The following SNUPN variants were observed in gnomAD, a reference collection of about 807,000 sequenced individuals.
The protein encoded by SNUPN is snurportin 1.
A neutral mutation model predicts 39.2 loss-of-function variants in SNUPN; 31 were observed. The ratio of observed to expected loss-of-function variants is 0.79; its 90% CI spans 0.59 to 1.07. The LOEUF (loss-of-function observed/expected upper bound fraction) is 1.07, where lower values mean the gene tolerates loss of function less well. Ranked by LOEUF, SNUPN falls within the 50% of genes least tolerant of loss-of-function variation. The pLI is 0.00. For synonymous variants in SNUPN, 132 were observed against 159.0 expected, an observed-to-expected ratio of 0.83 and a Z score of 1.28; for missense variants, 382 against 434.2, an observed-to-expected ratio of 0.88 and a Z score of 1.07.
chr15:75,619,818 G>A (rs532591622), intron 2 of SNUPN, among the ~76,000 whole-genome samples: 3 of 151,834 alleles, frequency 2.0e-5, no homozygotes, highest in Non-Finnish European at 4.4e-5. Flanking sequence ...GCGCGATTTC[G>A]GCTCACTGCA....
At chr15:75,609,399 C>G (rs2141368140) in intron 5 of SNUPN, among the ~76,000 whole-genome samples, 159 bp downstream of exon 5, 1 of 152,062 alleles carries the variant, frequency 6.6e-6, no homozygotes, top group South Asian at 2.1e-4. Context: ...CCTTGTTAGC[C>G]AGGATGGTCT....
intron 6 of SNUPN, among the ~76,000 whole-genome samples, chr15:75,606,638 TG>T (rs986804684): frequency 1.3e-5 from 2 of 152,054 alleles, no homozygotes; most frequent in African/African-American, 2.4e-5. Context: ...AGTAAAATGT[TG>T]GGGGTATGGT....
At chr15:75,602,554 C>T (rs1192724335) in intron 7 of SNUPN, among the ~76,000 whole-genome samples, 1 of 150,714 alleles carries the variant, frequency 6.6e-6, no homozygotes, top group African/African-American at 2.4e-5. Context: ...ATTACTGATG[C>T]ACAGGCCCTA....
At chr15:75,601,866 T>C (rs968910728) in intron 7 of SNUPN, among the ~76,000 whole-genome samples, 3 of 147,148 alleles carry the variant, frequency 2.0e-5, no homozygotes, top group Non-Finnish European at 4.6e-5. Flanking sequence ...TAGGTCGTGG[T>C]TCCCAATCTT....
At chr15:75,607,397 G>T (rs1567552170) in intron 5 of SNUPN, 84 bp from the exon 6 acceptor site, 1 of 866,834 alleles carries the variant, frequency 1.2e-6, no homozygotes, top group South Asian at 1.3e-5. Flanking sequence ...CCCCATCCCA[G>T]AGGCTTGAGT....
intron 2 of SNUPN, among the ~76,000 whole-genome samples, chr15:75,618,036 A>T (rs991169121): frequency 8.5e-5 from 13 of 152,160 alleles, no homozygotes; most frequent in Admixed American, 5.9e-4. Flanking sequence ...CCCCCTCAAA[A>T]TCCTAAATAG....
chr15:75,610,188 A>G (rs982982141), intron 3 of SNUPN, among the ~76,000 whole-genome samples, 194 bp from the exon 4 acceptor site: 18 of 152,024 alleles, frequency 1.2e-4, no homozygotes, highest in Non-Finnish European at 2.9e-5. Flanking sequence ...ACCTGAGGTC[A>G]GGAGTTCAAG....
chr15:75,598,504 T>A lies in SNUPN; in HGVS notation c.937A>T (p.Lys313Ter), dbSNP rs747208863. 6.2e-7 allele frequency: 1 copy of A among 1,614,220 alleles called. No homozygotes were observed. Among genetic ancestry groups the A allele is most frequent in the Non-Finnish European group, 8.5e-7 (1 of 1,180,040 alleles). Residue 313 changes from lysine (K) to a stop codon, truncating the protein, a stop_gained, in exon 9 of 9, where the codon AAG (lysine) becomes TAG (stop). Coordinates refer to ENST00000308588, the MANE Select transcript of SNUPN (RefSeq NM_005701.4). LOFTEE classifies it low-confidence loss of function (END_TRUNC). ...TTCATGCCTTCCTTCTGGCTCTTCT[T>A]GTGCTCCATAATCTGCTGGAGCTGG... Reference protein sequence around the residue: ...GHQLQQIMEHKKSQKEGMKEK... With the variant: ...GHQLQQIMEH
At chr15:75,621,126 G>A (rs2141379138) in intron 1 of SNUPN, 70 bp from the exon 2 acceptor site, 1 of 1,442,574 alleles carries the variant, frequency 6.9e-7, no homozygotes. Context: ...CAGTTATGCA[G>A]TTATGATATG....
chr15:75,613,697 G>C (rs1892858646), intron 3 of SNUPN, among the ~76,000 whole-genome samples: 1 of 150,768 alleles, frequency 6.6e-6, no homozygotes. Context: ...TTAGTCACTA[G>C]GGAAATAGGG....
chr15:75,605,616 T>A (rs1322525118), intron 6 of SNUPN, among the ~76,000 whole-genome samples: 1 of 152,184 alleles, frequency 6.6e-6, no homozygotes, highest in African/African-American at 2.4e-5. Context: ...TTCATTCTTT[T>A]AAATTATTTT....
At chr15:75,626,326 A>G (rs763020577), upstream of SNUPN, 12 of 152,092 alleles carry the variant, frequency 7.9e-5, no homozygotes, top group Non-Finnish European at 7.4e-5. Flanking sequence ...CTTGATTCCT[A>G]TTTAAGTAGC....
At chr15:75,604,833 C>T (rs920991945) in intron 7 of SNUPN, among the ~76,000 whole-genome samples, 1 of 152,156 alleles carries the variant, frequency 6.6e-6, no homozygotes, top group African/African-American at 2.4e-5. Flanking sequence ...GTGCACCCAC[C>T]ACCCAAGCAG....
rs540660275 is a variant in SNUPN at position 75,617,177 on chromosome 15, A to AC, written c.303+230dup. On this transcript the variant is annotated intron_variant, in intron 3 of 8. Coordinates refer to ENST00000308588, the MANE Select transcript of SNUPN (RefSeq NM_005701.4). ...AACAGCACAGGCTAATAGTTCCCAAACCCCACTACCCACAGATTCCATCAG... is the reference window on the plus strand; with the variant it reads ...AACAGCACAGGCTAATAGTTCCCAAACCCCCACTACCCACAGATTCCATCAG... Among the ~76,000 whole-genome samples, 10 of 152,328 alleles carry AC rather than the reference A, an allele frequency of 6.6e-5. 1 individual carries two copies. The South Asian group carries it at 1.9e-3, about 28-fold the overall frequency.
intron 1 of SNUPN, among the ~76,000 whole-genome samples, chr15:75,624,435 G>C (rs1873368710): frequency 6.8e-6 from 1 of 146,388 alleles, no homozygotes; most frequent in Non-Finnish European, 1.5e-5. Flanking sequence ...GAAGCGGGCA[G>C]ATCACCTGAG....
At chr15:75,617,374 A>G (rs758295753) in intron 3 of SNUPN, 34 bp downstream of exon 3, 1 of 1,605,406 alleles carries the variant, frequency 6.2e-7, no homozygotes, top group Non-Finnish European at 8.5e-7. Flanking sequence ...AGGGAGTGAG[A>G]TTAGCTGGGT....
chr15:75,601,052 T>A lies in SNUPN; in HGVS notation c.759+86A>T, dbSNP rs1257266171. On this transcript the variant is annotated intron_variant, in intron 8 of 8. Coordinates refer to ENST00000308588, the MANE Select transcript of SNUPN (RefSeq NM_005701.4). ...ATTCTGATGCTTTGACACAGCACAA[T>A]CAAGGAATATTTTAAGACTTTGTGT... The A allele has an allele frequency of 5.0e-6, 5 of 993,920 alleles. No homozygotes were observed. In the East Asian group the frequency reaches 1.2e-4, roughly 24 times the overall value. 61.6% of individuals were successfully genotyped at this position (993,920 alleles called of 1,614,324 possible). A position where few individuals can be genotyped will look rare whatever the true frequency, so the allele number is the denominator to read the frequency against.
At position 75,607,200 on chromosome 15, in the gene SNUPN, G is replaced by A. The variant is rs763287093; in HGVS notation, c.600+16C>T. 6.3e-7 allele frequency: 1 copy of A among 1,582,336 alleles called. No homozygotes were observed. The highest frequency in any genetic ancestry group is 8.7e-7 in the Non-Finnish European group (1 of 1,151,328). On this transcript the variant is annotated intron_variant, in intron 6 of 8. Coordinates refer to ENST00000308588, the MANE Select transcript of SNUPN (RefSeq NM_005701.4). ...GAGAAGACAGGAAGAGCCACGAGAGGAGGATCCATCCCTACCTGGCAATCA... is the reference window on the plus strand; with the variant it reads ...GAGAAGACAGGAAGAGCCACGAGAGAAGGATCCATCCCTACCTGGCAATCA...
intron 8 of SNUPN, chr15:75,600,518 A>G (rs1265332612): frequency 1.3e-5 from 2 of 152,346 alleles, no homozygotes; most frequent in Admixed American, 6.5e-5. Flanking sequence ...CAAGTGATCC[A>G]CCGGCCTCGG....
Sources: allele counts gnomAD v4.1 joint callset (sites outside exome capture counted in the v4.1 genomes callset), GRCh38; gene constraint gnomAD v4.1.1; transcripts MANE v1.5; gene names NCBI Gene and HGNC (gene_info 2026-07-23, HGNC 2026-07-21).